BNC2: variants seen among roughly 807,000 people sequenced by gnomAD.
BNC2 encodes zinc finger protein basonuclin-2.
A neutral mutation model predicts 76.3 loss-of-function variants in BNC2; 20 were observed. That is an observed-to-expected ratio of 0.26 (90% CI 0.18 to 0.38). BNC2 has a LOEUF of 0.38. BNC2 is among the 10% of genes least tolerant of loss of function. The pLI is 1.00. For missense variants in BNC2, 1,382 were observed against 1,399.8 expected, an observed-to-expected ratio of 0.99 and a Z score of 0.20; for synonymous variants, 582 against 514.8, an observed-to-expected ratio of 1.13 and a Z score of -1.77.
At chr9:16,613,844 TTC>T (rs1249325396) in intron 3 of BNC2, among the ~76,000 whole-genome samples, 1 of 152,186 alleles carries the variant, frequency 6.6e-6, no homozygotes, top group East Asian at 1.9e-4. Flanking sequence ...CTGCAAAATT[TTC>T]TGAGTTGTCT....
At chr9:16,687,066 G>T (rs562227680) in intron 3 of BNC2, among the ~76,000 whole-genome samples, 20 of 152,030 alleles carry the variant, frequency 1.3e-4, no homozygotes, top group Non-Finnish European at 2.6e-4. Context: ...AGCATCTCCA[G>T]TCTACAAACG....
In BNC2 at chr9:16,416,130, C is replaced by G. The variant is rs1235385202; in HGVS notation, c.*2859G>C. 1 of 152,214 alleles carries G rather than the reference C, an allele frequency of 6.6e-6. No homozygotes were observed. The highest frequency in any genetic ancestry group is 1.5e-5 in the Non-Finnish European group (1 of 68,046). 9.4% of individuals were successfully genotyped at this position (152,214 alleles called of 1,614,324 possible). ...TATGTAATTCACTCACGAGGGCTAT[C>G]TGACCTTTTATTTGACATTAAATTA... On this transcript the variant is annotated 3_prime_UTR_variant, in exon 7 of 7. Coordinates refer to ENST00000380672, the MANE Select transcript of BNC2 (RefSeq NM_017637.6).
At position 16,635,072 on chromosome 9, in the gene BNC2, A is replaced by G. The variant is rs545212213; in HGVS notation, c.331-51987T>C. ...AAATAACCTATGCTTAATAACAAACATAACTTGGGGTATCTTTTGCAGTTT... is the reference window on the plus strand; with the variant it reads ...AAATAACCTATGCTTAATAACAAACGTAACTTGGGGTATCTTTTGCAGTTT... On this transcript the variant is annotated intron_variant, in intron 3 of 6. Coordinates refer to ENST00000380672, the MANE Select transcript of BNC2 (RefSeq NM_017637.6). Among the ~76,000 whole-genome samples, 6 of 152,324 alleles carry G rather than the reference A, an allele frequency of 3.9e-5. No homozygotes were observed. In the South Asian group the frequency reaches 1.2e-3, roughly 32 times the overall value.
intron 5 of BNC2, among the ~76,000 whole-genome samples, chr9:16,522,759 AT>A (rs1221237383): frequency 6.6e-6 from 1 of 152,036 alleles, no homozygotes; most frequent in Non-Finnish European, 1.5e-5. Flanking sequence ...TTCTTCAGCT[AT>A]TTTTTCCCCC....
intron 3 of BNC2, among the ~76,000 whole-genome samples, chr9:16,677,106 T>C (rs1822665723): frequency 6.6e-6 from 1 of 152,210 alleles, no homozygotes; most frequent in Non-Finnish European, 1.5e-5. Context: ...TTTTATGTGC[T>C]TGGCCACCAC....
intron 1 of BNC2, among the ~76,000 whole-genome samples, chr9:16,782,881 T>C (rs1826192850): frequency 1.3e-5 from 2 of 152,332 alleles, no homozygotes; most frequent in South Asian, 4.1e-4. Flanking sequence ...TATTAATGAA[T>C]GAGTGAGTAA....
intron 1 of BNC2, among the ~76,000 whole-genome samples, chr9:16,791,210 C>G (rs566056232): frequency 1.1e-4 from 16 of 152,104 alleles, no homozygotes; most frequent in South Asian, 2.1e-4. Context: ...TACAGGCACC[C>G]GCCACCATGC....
At position 16,849,160 on chromosome 9, in the gene BNC2, A is replaced by T. The variant is rs527368353; in HGVS notation, c.3+21486T>A. On this transcript the variant is annotated intron_variant, in intron 1 of 6. Coordinates refer to ENST00000380672, the MANE Select transcript of BNC2 (RefSeq NM_017637.6). ...GAGCCCCAGGGAGGAATGAAGAAAC[A>T]AATGTAAAATTAGCTTTCCTGGAGT... 1.1e-4 allele frequency among the ~76,000 whole-genome samples: 16 copies of T among 152,202 alleles called. No homozygotes were observed. The East Asian group carries it at 3.1e-3, about 29-fold the overall frequency.
At chr9:16,656,728 TGCACAATATCATATTGTTAACTGTAG>T (rs1234150048) in intron 3 of BNC2, among the ~76,000 whole-genome samples, 1 of 152,218 alleles carries the variant, frequency 6.6e-6, no homozygotes, top group Non-Finnish European at 1.5e-5. Context: ...AATTTCTAGA[TGCACAATATCATATTGTTAACTGTAG>T]GCAATATGTT....
At chr9:16,582,933 A>G (rs1297494268) in intron 4 of BNC2, 50 bp downstream of exon 4, 5 of 1,357,974 alleles carry the variant, frequency 3.7e-6, no homozygotes, top group South Asian at 2.3e-5. Context: ...ACACACACAC[A>G]CGAACATGAA....
rs547915727 is a variant in BNC2 at position 16,823,283 on chromosome 9, A to C, written c.3+47363T>G. 6.6e-5 allele frequency among the ~76,000 whole-genome samples: 10 copies of C among 152,212 alleles called. No homozygotes were observed. In the East Asian group the frequency reaches 1.7e-3, roughly 26 times the overall value. On this transcript the variant is annotated intron_variant, in intron 1 of 6. Transcript: ENST00000380672. ...GTTTATAGGTCAAACATTATATATAAAATAGTTCTATAGTGACATGTAAGA... is the reference window on the plus strand; with the variant it reads ...GTTTATAGGTCAAACATTATATATACAATAGTTCTATAGTGACATGTAAGA...
intron 3 of BNC2, among the ~76,000 whole-genome samples, chr9:16,704,074 A>T (rs1823590632): frequency 6.6e-6 from 1 of 152,248 alleles, no homozygotes; most frequent in African/African-American, 2.4e-5. Context: ...TTAGGATAAT[A>T]CATATTTCTC....
chr9:16,698,966 G>T (rs920353122), intron 3 of BNC2, among the ~76,000 whole-genome samples: 5 of 152,148 alleles, frequency 3.3e-5, no homozygotes, highest in Non-Finnish European at 5.9e-5. Flanking sequence ...TACAGAAGTT[G>T]TATTTAAAAG....
At position 16,867,810 on chromosome 9, in the gene BNC2, C is replaced by T. The variant is rs1819578764; in HGVS notation, c.3+2836G>A. On this transcript the variant is annotated intron_variant, in intron 1 of 6. Coordinates refer to ENST00000380672, the MANE Select transcript of BNC2 (RefSeq NM_017637.6). ...GTCCCACAAGGACTAACTTGGAAGG[C>T]AAAAAAATACAAGAAAAGATCAATT... 3 of 149,302 alleles carry T rather than the reference C, an allele frequency of 2.0e-5. No homozygotes were observed. In the South Asian group the frequency reaches 6.3e-4, roughly 32 times the overall value. The allele number at this position is 149,302 out of a possible 1,614,324, so 9.2% of individuals were successfully genotyped here. A position where few individuals can be genotyped will look rare whatever the true frequency, so the allele number is the denominator to read the frequency against.
chr9:16,722,871 C>T (rs139051660), intron 3 of BNC2, among the ~76,000 whole-genome samples: 2 of 152,188 alleles, frequency 1.3e-5, no homozygotes, highest in African/African-American at 4.8e-5. Flanking sequence ...ATCCATAGAC[C>T]TTCAAAGTTT....
rs16934769 is a variant in BNC2, at chr9:16,519,437, A to C, written c.669+33093T>G. On this transcript the variant is annotated intron_variant, in intron 5 of 6. Transcript: ENST00000380672. ...TAGGAGATAACCTCTTCGGATGTAG[A>C]GATGTGTTCCTTTGGACAGGTAGAG... is the stretch of plus-strand genomic sequence containing the variant. Among the ~76,000 whole-genome samples, 1,374 of 152,290 alleles carry C rather than the reference A, an allele frequency of 9.0e-3. 20 individuals carry two copies. The highest frequency in any genetic ancestry group is 0.03 in the African/African-American group (1,257 of 41,562).
At chr9:16,572,669 G>C (rs945577083) in intron 4 of BNC2, among the ~76,000 whole-genome samples, 1 of 152,146 alleles carries the variant, frequency 6.6e-6, no homozygotes, top group African/African-American at 2.4e-5. Flanking sequence ...GTGGTGCAGA[G>C]GGGAGTAAAG....
At position 16,665,442 on chromosome 9, in the gene BNC2, G is replaced by GA. The variant is rs1166484259; in HGVS notation, c.330+62354dup. ...AAGGAAAGAAAGGAAAGAAAAGAAA[G>GA]AAAGAAAGAAAGAAAGAAAGAAAGA... On this transcript the variant is annotated intron_variant, in intron 3 of 6. Transcript: ENST00000380672. Among the ~76,000 whole-genome samples the GA allele has an allele frequency of 2.1e-3, 177 of 83,110 alleles. 2 individuals are homozygous for GA. The highest frequency in any genetic ancestry group is 7.3e-3 in the African/African-American group (143 of 19,490). The allele number at this position is 83,110 out of a possible 152,430, so 54.5% of individuals were successfully genotyped here. A position where few individuals can be genotyped will look rare whatever the true frequency, so the allele number is the denominator to read the frequency against.
intron 1 of BNC2, among the ~76,000 whole-genome samples, chr9:16,801,188 C>T (rs1325567163): frequency 6.6e-6 from 1 of 152,140 alleles, no homozygotes; most frequent in Non-Finnish European, 1.5e-5. Context: ...ACCTTCAAAT[C>T]TCCCAAAGAC....
Sources: allele counts gnomAD v4.1 joint callset (sites outside exome capture counted in the v4.1 genomes callset), GRCh38; gene constraint gnomAD v4.1.1; transcripts MANE v1.5; gene names NCBI Gene and HGNC (gene_info 2026-07-23, HGNC 2026-07-21).